CMPK1: variants seen among roughly 807,000 people sequenced by gnomAD.
CMPK1 encodes cytidine/uridine monophosphate kinase 1.
CMPK1 carries 10 observed loss-of-function variants against 25.7 expected under a neutral mutation model. The observed-to-expected ratio is 0.39, with a 90% CI of 0.24 to 0.66. CMPK1 has a LOEUF of 0.66. Ranked by LOEUF, CMPK1 falls within the 30% of genes least tolerant of loss-of-function variation. CMPK1 has a pLI of 0.48. For missense variants in CMPK1, 199 were observed against 280.5 expected (o/e 0.71, Z 2.08); for synonymous variants, 106 against 101.5 (o/e 1.04, Z -0.27).
At chr1:47,358,509 G>A (rs1364745649) in intron 1 of CMPK1, 4 of 1,020,652 alleles carry the variant, frequency 3.9e-6, no homozygotes, top group Non-Finnish European at 4.7e-6. Flanking sequence ...AGTATGTGTA[G>A]ATGTCATTTT....
chr1:47,375,117 C>A, intron 4 of CMPK1, 80 bp from the exon 5 acceptor site: 1 of 1,274,148 alleles, frequency 7.8e-7, no homozygotes, highest in Non-Finnish European at 1.1e-6. Flanking sequence ...GGGGCAGATC[C>A]AGTGTTCTGT....
chr1:47,345,764 T>A (rs1646479183), intron 1 of CMPK1, among the ~76,000 whole-genome samples: 1 of 151,304 alleles, frequency 6.6e-6, no homozygotes, highest in Admixed American at 6.6e-5. Context: ...GCCTTTTTTT[T>A]TTTCTTTTGA....
chr1:47,352,865 T>C (rs913346310), intron 1 of CMPK1, among the ~76,000 whole-genome samples: 4 of 152,302 alleles, frequency 2.6e-5, no homozygotes, highest in South Asian at 4.1e-4. Context: ...TGCGATATTG[T>C]TTAAAAATGT....
intron 1 of CMPK1, among the ~76,000 whole-genome samples, chr1:47,342,545 A>G (rs920272269): frequency 2.2e-4 from 34 of 152,112 alleles, no homozygotes; most frequent in African/African-American, 7.0e-4. Flanking sequence ...TTATATTTCT[A>G]TCAAAAGTAT....
At position 47,334,078 on chromosome 1, in the gene CMPK1, G is replaced by A. The variant is rs868747583; in HGVS notation, c.133G>A (p.Gly45Ser). ...PLVVFVLGGP[G>S]AGKGTQCARI... is the part of the protein sequence containing the mutation. ...GGTCGTGTTCGTCCTCGGCGGCCCCGGCGCCGGCAAGGGGACCCAGTGCGC... is the reference window on the plus strand; with the variant it reads ...GGTCGTGTTCGTCCTCGGCGGCCCCAGCGCCGGCAAGGGGACCCAGTGCGC... Residue 45 changes from glycine to serine, a missense_variant, in exon 1 of 6, where the codon GGC (glycine) becomes AGC (serine). Gly to Ser is a moderately conservative substitution (Grantham distance 56). Transcript: ENST00000371873. 6.5e-7 allele frequency: 1 copy of A among 1,539,094 alleles called. No homozygotes were observed. The highest frequency in any genetic ancestry group is 8.8e-7 in the Non-Finnish European group (1 of 1,141,828).
At chr1:47,373,224 G>C (rs1646688214) in intron 3 of CMPK1, 117 bp downstream of exon 3, 1 of 953,672 alleles carries the variant, frequency 1.0e-6, no homozygotes, top group Non-Finnish European at 1.5e-6. Flanking sequence ...TTTTGAATTG[G>C]TAGATTGGAT....
At chr1:47,337,036 G>C (rs758957784) in intron 1 of CMPK1, among the ~76,000 whole-genome samples, 1 of 152,190 alleles carries the variant, frequency 6.6e-6, no homozygotes, top group African/African-American at 2.4e-5. Flanking sequence ...TGTAATCCCA[G>C]CAGTTTGGGA....
chr1:47,368,973 C>T (rs1646658468), intron 2 of CMPK1, among the ~76,000 whole-genome samples: 1 of 152,050 alleles, frequency 6.6e-6, no homozygotes, highest in Non-Finnish European at 1.5e-5. Context: ...AATAAATCCA[C>T]CTTTCATATG....
intron 1 of CMPK1, among the ~76,000 whole-genome samples, chr1:47,339,842 C>A (rs549802905): frequency 4.6e-5 from 7 of 151,274 alleles, no homozygotes; most frequent in Admixed American, 1.3e-4. Context: ...TGAGTAGCTG[C>A]AATTACAGGC....
At chr1:47,366,799 A>G (rs868804020) in intron 1 of CMPK1, among the ~76,000 whole-genome samples, 30 of 152,262 alleles carry the variant, frequency 2.0e-4, no homozygotes, top group African/African-American at 7.0e-4. Flanking sequence ...ATCTTGGCTC[A>G]CTGCAACTTC....
intron 1 of CMPK1, among the ~76,000 whole-genome samples, chr1:47,341,952 C>G (rs1223474322): frequency 1.3e-5 from 2 of 152,098 alleles, no homozygotes; most frequent in Admixed American, 6.6e-5. Flanking sequence ...GGGTCTTGCT[C>G]AGTCCCCCAG....
intron 1 of CMPK1, among the ~76,000 whole-genome samples, chr1:47,357,033 G>A (rs538993363): frequency 4.7e-5 from 7 of 149,686 alleles, no homozygotes; most frequent in East Asian, 2.0e-4. Flanking sequence ...GCACGATCTC[G>A]GCTCACTATA....
intron 1 of CMPK1, among the ~76,000 whole-genome samples, chr1:47,334,399 G>T (rs1358045029): frequency 2.0e-5 from 3 of 152,210 alleles, no homozygotes; most frequent in Non-Finnish European, 4.4e-5. Context: ...TCTAGAGTGG[G>T]CTGGGAGAGG....
intron 1 of CMPK1, among the ~76,000 whole-genome samples, chr1:47,367,828 T>G (rs1031868218): frequency 6.6e-5 from 10 of 152,128 alleles, no homozygotes; most frequent in Non-Finnish European, 1.3e-4. Flanking sequence ...AGGGCAGTGG[T>G]GCAATCACGG....
At chr1:47,363,291 A>G (rs112440801) in intron 1 of CMPK1, among the ~76,000 whole-genome samples, 61 of 152,298 alleles carry the variant, frequency 4.0e-4, no homozygotes, top group Admixed American at 1.6e-3. Flanking sequence ...AAATTGAACC[A>G]TCCGAAGTTA....
chr1:47,366,287 C>G (rs569113460), intron 1 of CMPK1, among the ~76,000 whole-genome samples: 2 of 152,262 alleles, frequency 1.3e-5, no homozygotes, highest in South Asian at 4.1e-4. Context: ...GCTTTTAAGA[C>G]TGTTGTTAGT....
chr1:47,368,724 C>A, intron 2 of CMPK1, 109 bp downstream of exon 2: 3 of 1,029,592 alleles, frequency 2.9e-6, no homozygotes, highest in Non-Finnish European at 4.0e-6. Context: ...TTTTGGGAAG[C>A]CAAAGCAAGA....
chr1:47,356,924 G>A (rs1351085050), intron 1 of CMPK1, among the ~76,000 whole-genome samples: 1 of 149,728 alleles, frequency 6.7e-6, no homozygotes, highest in African/African-American at 2.5e-5. Flanking sequence ...ATCTCCCAAA[G>A]TGCTGGGATT....
chr1:47,375,164 C>G (rs1475702978), intron 4 of CMPK1, 33 bp from the exon 5 acceptor site: 2 of 1,503,492 alleles, frequency 1.3e-6, no homozygotes, highest in East Asian at 2.3e-5. Flanking sequence ...AGGATAGATA[C>G]CTAGAACCTT....
Sources: allele counts gnomAD v4.1 joint callset (sites outside exome capture counted in the v4.1 genomes callset), GRCh38; gene constraint gnomAD v4.1.1; transcripts MANE v1.5; gene names NCBI Gene and HGNC (gene_info 2026-07-23, HGNC 2026-07-21).